FSTL4: variants seen among roughly 807,000 people sequenced by gnomAD.
FSTL4 encodes the protein follistatin-related protein 4.
A neutral mutation model predicts 78.2 loss-of-function variants in FSTL4; 28 were observed. The observed-to-expected ratio is 0.36, with a 90% CI of 0.27 to 0.49. The LOEUF (loss-of-function observed/expected upper bound fraction) is 0.49, where lower values mean the gene tolerates loss of function less well. Ranked by LOEUF, FSTL4 falls within the 20% of genes least tolerant of loss-of-function variation. FSTL4 has a pLI of 0.98. For synonymous variants in FSTL4, 422 were observed against 440.5 expected, an observed-to-expected ratio of 0.96 and a Z score of 0.53; for missense variants, 922 against 1,084.9, an observed-to-expected ratio of 0.85 and a Z score of 2.11.
chr5:133,501,598 G>A (rs1021325218), intron 3 of FSTL4, among the ~76,000 whole-genome samples: 1 of 152,144 alleles, frequency 6.6e-6, no homozygotes, highest in Non-Finnish European at 1.5e-5. Flanking sequence ...TATTTAAAGG[G>A]CACCTTTGAA....
At chr5:133,496,847 C>T (rs1172099431) in intron 3 of FSTL4, among the ~76,000 whole-genome samples, 3 of 152,224 alleles carry the variant, frequency 2.0e-5, no homozygotes, top group African/African-American at 7.2e-5. Context: ...CCCTCTCCCA[C>T]TCAGCAGCTA....
the FSTL4 span, among the ~76,000 whole-genome samples, chr5:133,727,026 G>A: frequency 1.3e-5 from 2 of 152,084 alleles, no homozygotes; most frequent in Admixed American, 6.5e-5. Context: ...TTGGAAAACC[G>A]GGTGGCAGGT....
At chr5:133,706,898 T>G in the FSTL4 span, among the ~76,000 whole-genome samples, 1 of 152,102 alleles carries the variant, frequency 6.6e-6, no homozygotes, top group African/African-American at 2.4e-5. Flanking sequence ...TCCATGATTC[T>G]CTGGCAGCTC....
Position 133,467,281 on chromosome 5 carries a change from TGA to T in FSTL4, c.161-66297_161-66296del, listed in dbSNP as rs1491295140. On this transcript the variant is annotated intron_variant, in intron 3 of 15. Transcript: ENST00000265342. ...GAGTGTGTGTGTGTGTGTGTGTGTG[TGA>T]GTGTGTATGTGTACACCACTGCATT... 4.9e-3 allele frequency among the ~76,000 whole-genome samples: 741 copies of T among 151,332 alleles called. 1 individual carries two copies. Among genetic ancestry groups the T allele is most frequent in the Non-Finnish European group, 6.0e-3 (407 of 67,838 alleles).
At chr5:133,291,847 C>G (rs1753270504) in intron 6 of FSTL4, among the ~76,000 whole-genome samples, 1 of 152,100 alleles carries the variant, frequency 6.6e-6, no homozygotes, top group African/African-American at 2.4e-5. Context: ...GAAGAGCCAG[C>G]CTTTCTGAAG....
At chr5:133,741,895 G>A in the FSTL4 span, among the ~76,000 whole-genome samples, 16 of 152,276 alleles carry the variant, frequency 1.1e-4, no homozygotes, top group East Asian at 2.3e-3. Flanking sequence ...TCAGCACCAG[G>A]CTTCAGAACT....
chr5:133,246,354 C>T (rs1260702238), intron 7 of FSTL4, among the ~76,000 whole-genome samples: 3 of 152,210 alleles, frequency 2.0e-5, no homozygotes, highest in African/African-American at 7.2e-5. Context: ...AAGTGAATCC[C>T]GATGACCTGG....
the FSTL4 span, among the ~76,000 whole-genome samples, chr5:133,669,830 C>T: frequency 6.6e-6 from 1 of 152,206 alleles, no homozygotes; most frequent in Admixed American, 6.5e-5. Context: ...CCTAGGCTAA[C>T]CTCCCCGCAC....
chr5:133,444,591 G>C (rs1284151346), intron 3 of FSTL4, among the ~76,000 whole-genome samples: 1 of 152,334 alleles, frequency 6.6e-6, no homozygotes, highest in East Asian at 1.9e-4. Flanking sequence ...GCCCTGGCCA[G>C]CTTTGAATCA....
At chr5:133,516,038 T>C (rs1394722088) in intron 3 of FSTL4, among the ~76,000 whole-genome samples, 1 of 147,142 alleles carries the variant, frequency 6.8e-6, no homozygotes, top group Non-Finnish European at 1.5e-5. Context: ...CCTAGCGCTA[T>C]TTTTTTTTTG....
At chr5:133,287,344 C>T (rs1211792374) in intron 6 of FSTL4, among the ~76,000 whole-genome samples, 2 of 149,486 alleles carry the variant, frequency 1.3e-5, no homozygotes, top group East Asian at 2.0e-4. Flanking sequence ...GCTGAGATCG[C>T]ACCACTGCAC....
At chr5:133,654,364 C>A in the FSTL4 span, among the ~76,000 whole-genome samples, 1 of 152,206 alleles carries the variant, frequency 6.6e-6, no homozygotes, top group African/African-American at 2.4e-5. Context: ...AGTTACACAA[C>A]CTGTCCAAAG....
At chr5:133,581,175 G>C (rs991342844) in intron 2 of FSTL4, among the ~76,000 whole-genome samples, 5 of 152,138 alleles carry the variant, frequency 3.3e-5, no homozygotes, top group African/African-American at 1.2e-4. Context: ...AATTAAAAAG[G>C]CTTTAAGGCA....
At chr5:133,729,580 C>T in the FSTL4 span, among the ~76,000 whole-genome samples, 1 of 152,064 alleles carries the variant, frequency 6.6e-6, no homozygotes, top group Admixed American at 6.5e-5. Context: ...AAGGAAACAG[C>T]CCCAAACCAT....
At chr5:133,246,821 G>C (rs539540401) in intron 7 of FSTL4, 10 of 152,336 alleles carry the variant, frequency 6.6e-5, no homozygotes, top group Middle Eastern at 6.8e-3. Context: ...CAATAGTAAT[G>C]ATGACAGTGA....
the FSTL4 span, among the ~76,000 whole-genome samples, chr5:133,793,944 C>T: frequency 9.2e-5 from 14 of 152,228 alleles, no homozygotes; most frequent in African/African-American, 3.4e-4. Flanking sequence ...TGTAGACGCC[C>T]AGTTTCCTGG....
the FSTL4 span, among the ~76,000 whole-genome samples, chr5:133,725,262 G>A: frequency 2.0e-5 from 3 of 152,228 alleles, no homozygotes; most frequent in African/African-American, 7.2e-5. Flanking sequence ...TTAGGAATGT[G>A]GTAAGTTTCA....
At chr5:133,663,744 G>T in the FSTL4 span, among the ~76,000 whole-genome samples, 1 of 152,238 alleles carries the variant, frequency 6.6e-6, no homozygotes. Context: ...CTCCCCCATG[G>T]GCTCTGGGCT....
chr5:133,219,606 C>G, intron 12 of FSTL4, among the ~76,000 whole-genome samples: 1 of 152,212 alleles, frequency 6.6e-6, no homozygotes, highest in Non-Finnish European at 1.5e-5. Context: ...TTGTAATTCT[C>G]GTTAGGTGTT....
Sources: allele counts gnomAD v4.1 joint callset (sites outside exome capture counted in the v4.1 genomes callset), GRCh38; gene constraint gnomAD v4.1.1; transcripts MANE v1.5; gene names NCBI Gene and HGNC (gene_info 2026-07-23, HGNC 2026-07-21).